Variants in SYT9 observed in about 807,000 individuals in gnomAD.
SYT9 encodes the protein synaptotagmin 9.
SYT9 carries 22 observed loss-of-function variants against 48.4 expected under a neutral mutation model. The ratio of observed to expected loss-of-function variants is 0.45; its 90% confidence interval spans 0.32 to 0.65. SYT9 has a LOEUF of 0.65. Among genes scored for constraint, SYT9 ranks in the 30% least tolerant of loss-of-function variants. The probability of loss-of-function intolerance (pLI) is 0.03; values close to 1 mark genes in which losing one functional copy is unlikely to be tolerated. For synonymous variants in SYT9, 265 were observed against 245.0 expected, an observed-to-expected ratio of 1.08 and a Z score of -0.76; for missense variants, 577 against 622.0, an observed-to-expected ratio of 0.93 and a Z score of 0.77.
At chr11:7,347,492 C>T (rs1418931814) in intron 3 of SYT9, among the ~76,000 whole-genome samples, 2 of 152,186 alleles carry the variant, frequency 1.3e-5, no homozygotes, top group African/African-American at 4.8e-5. Flanking sequence ...ACCTCAGCCT[C>T]CCAAAGTGCT....
At chr11:7,281,831 T>G (rs1848499179) in intron 1 of SYT9, among the ~76,000 whole-genome samples, 1 of 152,184 alleles carries the variant, frequency 6.6e-6, no homozygotes, top group Non-Finnish European at 1.5e-5. Flanking sequence ...CTCTTCCTGT[T>G]TTCTCGCTGT....
chr11:7,313,421 A>C lies in SYT9; in HGVS notation c.524A>C (p.Asn175Thr). 6.2e-7 allele frequency: 1 copy of C among 1,612,918 alleles called. No homozygotes were observed. The highest frequency in any genetic ancestry group is 8.5e-7 in the Non-Finnish European group (1 of 1,179,606). ...CATAATTCAATCCGAAGACAACTCA[A>C]CTTGTCAAACCCGGACTTCAATATC... ...ARHNSIRRQL[N>T]LSNPDFNIQQ... Residue 175 changes from asparagine (N) to threonine (T), a missense_variant, in exon 3 of 7, where the codon AAC becomes ACC. Asn to Thr is a moderately conservative substitution (Grantham distance 65, BLOSUM62 0). Transcript: ENST00000318881.
chr11:7,398,041 A>G (rs1036030554), intron 3 of SYT9, among the ~76,000 whole-genome samples: 21 of 152,182 alleles, frequency 1.4e-4, no homozygotes, highest in African/African-American at 4.1e-4. Flanking sequence ...CATCCTCCCA[A>G]TGCTCCTCTA....
intron 3 of SYT9, among the ~76,000 whole-genome samples, chr11:7,375,269 T>C (rs764233281): frequency 2.0e-5 from 3 of 152,194 alleles, no homozygotes; most frequent in African/African-American, 4.8e-5. Context: ...TTCTGTTCTA[T>C]TGGTCTATGT....
intron 1 of SYT9, among the ~76,000 whole-genome samples, chr11:7,295,609 C>G (rs908361327): frequency 3.3e-5 from 5 of 152,194 alleles, no homozygotes; most frequent in African/African-American, 1.2e-4. Context: ...TAAGCTTTTT[C>G]AAGCATGCAC....
chr11:7,438,556 G>C (rs1181433113), intron 6 of SYT9: 1 of 152,608 alleles, frequency 6.6e-6, no homozygotes, highest in Non-Finnish European at 1.5e-5. Context: ...GTCTCTTGGT[G>C]CCCAGGTTTT....
intron 1 of SYT9, among the ~76,000 whole-genome samples, chr11:7,271,492 G>A (rs1564842695): frequency 6.6e-6 from 1 of 152,198 alleles, no homozygotes; most frequent in Non-Finnish European, 1.5e-5. Context: ...GGAGGGGCAA[G>A]GGAGAAATGG....
chr11:7,364,606 TA>T (rs886288619), intron 3 of SYT9, among the ~76,000 whole-genome samples: 1 of 152,168 alleles, frequency 6.6e-6, no homozygotes, highest in Admixed American at 6.5e-5. Flanking sequence ...TTTGAAAAAT[TA>T]AAAGAGTATG....
intron 1 of SYT9, among the ~76,000 whole-genome samples, chr11:7,263,816 A>G (rs967292985): frequency 6.7e-6 from 1 of 148,780 alleles, no homozygotes; most frequent in Admixed American, 6.6e-5. Context: ...GTCTTTCTAA[A>G]AGAGAATGAG....
At chr11:7,285,277 GA>G (rs1848576059) in intron 1 of SYT9, among the ~76,000 whole-genome samples, 1 of 152,184 alleles carries the variant, frequency 6.6e-6, no homozygotes, top group Non-Finnish European at 1.5e-5. Context: ...GAGGCCTCAG[GA>G]AACTTACAAT....
chr11:7,428,282 G>C (rs778909079), intron 6 of SYT9, among the ~76,000 whole-genome samples: 4 of 152,214 alleles, frequency 2.6e-5, no homozygotes, highest in Admixed American at 2.6e-4. Context: ...CCTTGCTCCA[G>C]TAGTCACTGC....
chr11:7,360,408 T>C (rs1850111715), intron 3 of SYT9, among the ~76,000 whole-genome samples: 1 of 152,224 alleles, frequency 6.6e-6, no homozygotes, highest in Non-Finnish European at 1.5e-5. Flanking sequence ...GGTAGCTTGA[T>C]GGGGATGGCA....
chr11:7,369,794 A>AACACACACACACAC lies in SYT9; in HGVS notation c.1045-46232_1045-46219dup, dbSNP rs58554896. 4.2e-3 allele frequency among the ~76,000 whole-genome samples: 601 copies of AACACACACACACAC among 143,978 alleles called. 7 individuals are homozygous for AACACACACACACAC. The highest frequency in any genetic ancestry group is 0.015 in the African/African-American group (577 of 38,868). 94.5% of individuals were successfully genotyped at this position (143,978 alleles called of 152,430 possible). ...CATACACACCACACACACACACACAAACACACACACACACACACACACACA... is the reference window on the plus strand; with the variant it reads ...CATACACACCACACACACACACACAAACACACACACACACACACACACACACACACACACACACA... On this transcript the variant is annotated intron_variant, in intron 3 of 6. Transcript: ENST00000318881.
At chr11:7,449,443 G>GA (rs1358029952) in intron 6 of SYT9, among the ~76,000 whole-genome samples, 1 of 151,414 alleles carries the variant, frequency 6.6e-6, no homozygotes, top group African/African-American at 2.4e-5. Context: ...GTGCTACAAA[G>GA]AAAGTGTTGT....
chr11:7,265,355 G>A (rs1190709560), intron 1 of SYT9, among the ~76,000 whole-genome samples: 1 of 152,118 alleles, frequency 6.6e-6, no homozygotes, highest in Non-Finnish European at 1.5e-5. Flanking sequence ...TGAATGTCAA[G>A]GCCCCTTGCA....
At chr11:7,385,313 G>C (rs1850636000) in intron 3 of SYT9, among the ~76,000 whole-genome samples, 1 of 150,824 alleles carries the variant, frequency 6.6e-6, no homozygotes, top group Admixed American at 6.6e-5. Flanking sequence ...AAGAATAGAG[G>C]AATGAACTAT....
chr11:7,366,552 A>G (rs1269556560), intron 3 of SYT9, among the ~76,000 whole-genome samples: 1 of 152,232 alleles, frequency 6.6e-6, no homozygotes, highest in African/African-American at 2.4e-5. Context: ...ACATTAATTA[A>G]TAGACATCCA....
chr11:7,455,847 G>A (rs1401945076), intron 6 of SYT9, among the ~76,000 whole-genome samples: 1 of 152,072 alleles, frequency 6.6e-6, no homozygotes, highest in Non-Finnish European at 1.5e-5. Flanking sequence ...TAAATTCTGG[G>A]CAAAAATGGC....
chr11:7,453,833 G>C (rs553265945), intron 6 of SYT9, among the ~76,000 whole-genome samples: 1 of 152,198 alleles, frequency 6.6e-6, no homozygotes, highest in Non-Finnish European at 1.5e-5. Context: ...CATGAGCAAC[G>C]AGAGGTAGAG....
Sources: allele counts gnomAD v4.1 joint callset (sites outside exome capture counted in the v4.1 genomes callset), GRCh38; gene constraint gnomAD v4.1.1; transcripts MANE v1.5; gene names NCBI Gene and HGNC (gene_info 2026-07-23, HGNC 2026-07-21).